Variants in PLCL1 observed in about 807,000 individuals in gnomAD.
The protein encoded by PLCL1 is inactive phospholipase C-like protein 1.
A neutral mutation model predicts 84.4 loss-of-function variants in PLCL1; 41 were observed. The ratio of observed to expected loss-of-function variants is 0.49; its 90% confidence interval spans 0.38 to 0.63. PLCL1 has a LOEUF of 0.63. PLCL1 is among the 30% of genes least tolerant of loss of function. The pLI is 0.00. For synonymous variants in PLCL1, 490 were observed against 488.3 expected (o/e 1.00, Z -0.05); for missense variants, 1,206 against 1,367.8 (o/e 0.88, Z 1.87).
At chr2:197,867,698 G>A (rs2105701430) in intron 1 of PLCL1, among the ~76,000 whole-genome samples, 1 of 152,234 alleles carries the variant, frequency 6.6e-6, no homozygotes, top group Non-Finnish European at 1.5e-5. Context: ...TTCTCTGGCT[G>A]TGGTTTGCTG....
chr2:197,997,028 A>G (rs1690483081), intron 1 of PLCL1, among the ~76,000 whole-genome samples: 1 of 152,168 alleles, frequency 6.6e-6, no homozygotes, highest in African/African-American at 2.4e-5. Context: ...GCTTTGTCCT[A>G]TTACCTGAAC....
chr2:197,930,953 C>G (rs2105765084), intron 1 of PLCL1, among the ~76,000 whole-genome samples: 1 of 152,254 alleles, frequency 6.6e-6, no homozygotes, highest in Non-Finnish European at 1.5e-5. Flanking sequence ...ACTCTTTACT[C>G]TATGCCCTAT....
At chr2:198,112,839 C>T (rs1403027000) in intron 5 of PLCL1, among the ~76,000 whole-genome samples, 1 of 151,790 alleles carries the variant, frequency 6.6e-6, no homozygotes, top group Non-Finnish European at 1.5e-5. Flanking sequence ...TCTCGCTCAA[C>T]CTAGTAAGCC....
intron 1 of PLCL1, among the ~76,000 whole-genome samples, chr2:198,053,105 G>A (rs1037116537): frequency 1.3e-5 from 2 of 152,100 alleles, no homozygotes; most frequent in East Asian, 1.9e-4. Context: ...TTTGACCCTC[G>A]GTTTGGTACT....
chr2:198,070,294 A>C (rs1692429994), intron 1 of PLCL1, among the ~76,000 whole-genome samples: 1 of 152,152 alleles, frequency 6.6e-6, no homozygotes, highest in South Asian at 2.1e-4. Flanking sequence ...AAATTGATTT[A>C]AACATCTAGT....
At chr2:197,913,893 T>C (rs1688538950) in intron 1 of PLCL1, among the ~76,000 whole-genome samples, 1 of 152,096 alleles carries the variant, frequency 6.6e-6, no homozygotes, top group Non-Finnish European at 1.5e-5. Context: ...TATATATATA[T>C]ATATTTAAAC....
chr2:198,011,004 T>G (rs182573097), intron 1 of PLCL1, among the ~76,000 whole-genome samples: 3 of 151,900 alleles, frequency 2.0e-5, no homozygotes, highest in Admixed American at 6.6e-5. Flanking sequence ...CCATAGAGTC[T>G]TCTCTCTTTT....
chr2:198,145,098 C>G (rs955560639), intron 5 of PLCL1, among the ~76,000 whole-genome samples: 10 of 152,140 alleles, frequency 6.6e-5, no homozygotes, highest in African/African-American at 2.2e-4. Context: ...AGTGACCACA[C>G]TGAGCAAGCA....
intron 1 of PLCL1, among the ~76,000 whole-genome samples, chr2:198,046,041 C>A (rs1267115711): frequency 6.6e-6 from 1 of 152,094 alleles, no homozygotes; most frequent in African/African-American, 2.4e-5. Flanking sequence ...TTGATGTTTT[C>A]ATAGTTTAAG....
intron 1 of PLCL1, among the ~76,000 whole-genome samples, chr2:198,063,118 A>G (rs1322960692): frequency 6.6e-6 from 1 of 150,542 alleles, no homozygotes; most frequent in East Asian, 1.9e-4. Flanking sequence ...GAAATTTTTT[A>G]GTATAGTTAC....
chr2:198,051,666 T>C (rs1221214918), intron 1 of PLCL1, among the ~76,000 whole-genome samples: 1 of 152,208 alleles, frequency 6.6e-6, no homozygotes, highest in Admixed American at 6.5e-5. Context: ...AATTTAGGTA[T>C]GTTACCATGG....
chr2:197,924,072 G>A (rs1365681759), intron 1 of PLCL1, among the ~76,000 whole-genome samples: 1 of 150,378 alleles, frequency 6.6e-6, no homozygotes, highest in Non-Finnish European at 1.5e-5. Context: ...AGGCAGGGAG[G>A]TTGCAGTGAG....
chr2:198,111,912 C>T (rs1258788554), intron 5 of PLCL1, among the ~76,000 whole-genome samples: 1 of 151,842 alleles, frequency 6.6e-6, no homozygotes, highest in Non-Finnish European at 1.5e-5. Flanking sequence ...AGTGAGTGTC[C>T]TGCCCATCTA....
chr2:197,973,969 T>G (rs1310964819), intron 1 of PLCL1, among the ~76,000 whole-genome samples: 1 of 152,154 alleles, frequency 6.6e-6, no homozygotes, highest in African/African-American at 2.4e-5. Flanking sequence ...GATGTGATGG[T>G]GACTCAGACA....
At chr2:197,832,068 C>T (rs1205059090) in intron 1 of PLCL1, among the ~76,000 whole-genome samples, 2 of 151,964 alleles carry the variant, frequency 1.3e-5, no homozygotes, top group Admixed American at 6.6e-5. Flanking sequence ...GATCTAAAAT[C>T]GACACCCCAG....
intron 1 of PLCL1, among the ~76,000 whole-genome samples, chr2:198,052,042 T>C (rs1480471412): frequency 6.6e-6 from 1 of 152,232 alleles, no homozygotes; most frequent in Non-Finnish European, 1.5e-5. Context: ...CCTGAGTAGC[T>C]GAGATTACAG....
chr2:198,041,814 T>TAAGTG (rs1313933105), intron 1 of PLCL1, among the ~76,000 whole-genome samples: 1 of 152,114 alleles, frequency 6.6e-6, no homozygotes, highest in Admixed American at 6.5e-5. Flanking sequence ...ATATTCTAGG[T>TAAGTG]GAAGAGAGCA....
At chr2:198,132,029 C>G (rs1490616583) in intron 5 of PLCL1, among the ~76,000 whole-genome samples, 1 of 152,190 alleles carries the variant, frequency 6.6e-6, no homozygotes, top group Non-Finnish European at 1.5e-5. Context: ...GATTTTCACT[C>G]TAGTGCTGTG....
chr2:198,084,504 T>A lies in PLCL1; in HGVS notation c.987T>A (p.Tyr329Ter). Residue 329 changes from tyrosine to a stop codon, truncating the protein, a stop_gained, in exon 2 of 6, where the codon TAT becomes TAA. Transcript: ENST00000428675. LOFTEE classifies it high-confidence loss of function. ...LLVQISKNKE[Y>*]LDANDLMLFL... ...TACAGATATCTAAAAACAAAGAATATTTGGATGCCAATGATCTCATGCTCT... is the reference window on the plus strand; with the variant it reads ...TACAGATATCTAAAAACAAAGAATAATTGGATGCCAATGATCTCATGCTCT... 12 of 1,614,066 alleles carry A rather than the reference T, an allele frequency of 7.4e-6. No homozygotes were observed. Among genetic ancestry groups the A allele is most frequent in the Non-Finnish European group, 1.0e-5 (12 of 1,179,952 alleles).
Sources: gnomAD v4.1 joint callset for allele counts (sites outside exome capture counted in the v4.1 genomes callset) on GRCh38, gnomAD v4.1.1 for gene constraint, MANE v1.5 for transcripts, NCBI Gene and HGNC (gene_info 2026-07-23, HGNC 2026-07-21) for gene names.